The following PEBP4 variants were observed in gnomAD, a reference collection of about 807,000 sequenced individuals.
PEBP4 encodes phosphatidylethanolamine-binding protein 4.
A neutral mutation model predicts 23.9 loss-of-function variants in PEBP4; 22 were observed. That is an observed-to-expected ratio of 0.92 (90% CI 0.66 to 1.31). The LOEUF is 1.31. PEBP4 is among the 40% of genes most tolerant of loss of function. The probability of loss-of-function intolerance (pLI) is 0.00; values close to 1 mark genes in which losing one functional copy is unlikely to be tolerated. For missense variants in PEBP4, 324 were observed against 281.7 expected (o/e 1.15, Z -1.07); for synonymous variants, 112 against 99.3 (o/e 1.13, Z -0.76).
intron 3 of PEBP4, among the ~76,000 whole-genome samples, chr8:22,888,856 A>C (rs1163429810): frequency 8.6e-5 from 13 of 151,776 alleles, no homozygotes; most frequent in Non-Finnish European, 5.9e-5. Context: ...GGATTCTTAC[A>C]CCTTATTCCC....
At chr8:22,803,724 A>G (rs1806437506) in intron 4 of PEBP4, among the ~76,000 whole-genome samples, 1 of 152,196 alleles carries the variant, frequency 6.6e-6, no homozygotes, top group Non-Finnish European at 1.5e-5. Context: ...CATGTCTAAG[A>G]CAGAGCTTGA....
intron 3 of PEBP4, among the ~76,000 whole-genome samples, chr8:22,911,267 G>A (rs980325182): frequency 1.3e-5 from 2 of 152,124 alleles, no homozygotes; most frequent in African/African-American, 4.8e-5. Flanking sequence ...AACATGTCAG[G>A]GGTGCGCTGG....
At chr8:22,771,838 C>G (rs554845550) in intron 4 of PEBP4, among the ~76,000 whole-genome samples, 1 of 152,202 alleles carries the variant, frequency 6.6e-6, no homozygotes, top group Non-Finnish European at 1.5e-5. Flanking sequence ...AACTTCTGTA[C>G]GAACTGCCCC....
intron 3 of PEBP4, among the ~76,000 whole-genome samples, chr8:22,830,679 C>T (rs961288039): frequency 2.6e-5 from 4 of 152,090 alleles, no homozygotes; most frequent in African/African-American, 7.2e-5. Context: ...GAAACCGGGG[C>T]ACCATCTTTA....
At chr8:22,738,222 C>T (rs570262334) in intron 4 of PEBP4, among the ~76,000 whole-genome samples, 1 of 152,328 alleles carries the variant, frequency 6.6e-6, no homozygotes, top group Non-Finnish European at 1.5e-5. Flanking sequence ...GCCTGGCCTC[C>T]TTCCTTCTCT....
chr8:22,766,013 G>C (rs1270055303), intron 4 of PEBP4, among the ~76,000 whole-genome samples: 1 of 152,274 alleles, frequency 6.6e-6, no homozygotes, highest in Admixed American at 6.5e-5. Context: ...TGGGCAGTGA[G>C]GATGCTATTT....
At chr8:22,916,945 A>G (rs1809089303) in intron 3 of PEBP4, among the ~76,000 whole-genome samples, 1 of 152,226 alleles carries the variant, frequency 6.6e-6, no homozygotes, top group Non-Finnish European at 1.5e-5. Context: ...GGTGGAGCCC[A>G]GAGGGAGGCA....
In PEBP4 at chr8:22,770,074, C is replaced by T. The variant is rs771863172; in HGVS notation, c.358-42854G>A. Among the ~76,000 whole-genome samples, 11 of 152,332 alleles carry T rather than the reference C, an allele frequency of 7.2e-5. No individual in the cohort carries two copies. In the Middle Eastern group the frequency reaches 0.017, roughly 236 times the overall value. Reference sequence around the variant, plus strand: ...CTTCGAAATGCTTCAGTTTCCTACACGTCAAATCCTAGGCAGCCATCAGCC... The same window carrying T: ...CTTCGAAATGCTTCAGTTTCCTACATGTCAAATCCTAGGCAGCCATCAGCC... On this transcript the variant is annotated intron_variant, in intron 4 of 6. Coordinates refer to ENST00000256404, the MANE Select transcript of PEBP4 (RefSeq NM_144962.3).
intron 3 of PEBP4, among the ~76,000 whole-genome samples, chr8:22,824,495 A>ATGAGGGTGAGGGGTAGTT (rs1806926145): frequency 6.6e-6 from 1 of 152,150 alleles, no homozygotes; most frequent in Non-Finnish European, 1.5e-5. Context: ...TTTTCCCCAG[A>ATGAGGGTGAGGGGTAGTT]TGAGGGTGAG....
At chr8:22,806,443 C>T (rs772051423) in intron 4 of PEBP4, among the ~76,000 whole-genome samples, 4 of 151,724 alleles carry the variant, frequency 2.6e-5, no homozygotes, top group East Asian at 1.9e-4. Context: ...AAGGTGAAAC[C>T]GTCTCTATAA....
chr8:22,884,332 A>G (rs1454055074), intron 3 of PEBP4: 2 of 152,206 alleles, frequency 1.3e-5, no homozygotes, highest in African/African-American at 4.8e-5. Context: ...TTAATAAGAC[A>G]AGGATGACTA....
At chr8:22,722,220 C>T (rs973284059) in intron 6 of PEBP4, among the ~76,000 whole-genome samples, 4 of 152,194 alleles carry the variant, frequency 2.6e-5, no homozygotes, top group African/African-American at 9.7e-5. Flanking sequence ...ACCCAGAGCT[C>T]CCTCTTCCTT....
intron 4 of PEBP4, among the ~76,000 whole-genome samples, chr8:22,802,969 G>A (rs184756326): frequency 6.6e-6 from 1 of 152,324 alleles, no homozygotes; most frequent in Non-Finnish European, 1.5e-5. Context: ...CAGCTAGCAA[G>A]CGGCCCAGCA....
intron 4 of PEBP4, among the ~76,000 whole-genome samples, chr8:22,786,644 C>T (rs543915623): frequency 6.6e-6 from 1 of 152,248 alleles, no homozygotes; most frequent in African/African-American, 2.4e-5. Context: ...AGGGCAGCAG[C>T]TTGGGGGAGC....
chr8:22,733,468 C>T (rs746036382), intron 4 of PEBP4, among the ~76,000 whole-genome samples: 6 of 152,088 alleles, frequency 3.9e-5, no homozygotes, highest in Non-Finnish European at 5.9e-5. Flanking sequence ...TTTGGTAGGT[C>T]TGGAGTGTGG....
At chr8:22,788,227 A>T (rs1806066557) in intron 4 of PEBP4, among the ~76,000 whole-genome samples, 1 of 152,190 alleles carries the variant, frequency 6.6e-6, no homozygotes, top group Non-Finnish European at 1.5e-5. Flanking sequence ...AGGGGTTTCA[A>T]AATGGGAGAG....
At chr8:22,900,522 G>A (rs757954755) in intron 3 of PEBP4, among the ~76,000 whole-genome samples, 1 of 152,000 alleles carries the variant, frequency 6.6e-6, no homozygotes, top group Non-Finnish European at 1.5e-5. Flanking sequence ...GGTTGCAGGC[G>A]CCTGTAATCC....
intron 4 of PEBP4, among the ~76,000 whole-genome samples, chr8:22,792,463 C>T (rs1035039601): frequency 3.3e-5 from 5 of 151,980 alleles, no homozygotes; most frequent in African/African-American, 1.2e-4. Context: ...GGTATCGGTC[C>T]GTGTCCTTGG....
chr8:22,890,954 G>C (rs980848172), intron 3 of PEBP4, among the ~76,000 whole-genome samples: 3 of 152,092 alleles, frequency 2.0e-5, no homozygotes, highest in Non-Finnish European at 4.4e-5. Context: ...TCAGCCTTGC[G>C]AGTAGCTGAG....
Sources: allele counts gnomAD v4.1 joint callset (sites outside exome capture counted in the v4.1 genomes callset), GRCh38; gene constraint gnomAD v4.1.1; transcripts MANE v1.5; gene names NCBI Gene and HGNC (gene_info 2026-07-23, HGNC 2026-07-21).